The following ZBTB20 variants were observed in gnomAD, a reference collection of about 807,000 sequenced individuals.
ZBTB20 encodes zinc finger and BTB domain containing 20, also known as zinc finger and BTB domain-containing protein 20.
A neutral mutation model predicts 56.9 loss-of-function variants in ZBTB20; 9 were observed. That is an observed-to-expected ratio of 0.16 (90% CI 0.10 to 0.28). The LOEUF is 0.28. Among genes scored for constraint, ZBTB20 ranks in the 10% least tolerant of loss-of-function variants. The pLI is 1.00. For synonymous variants in ZBTB20, 417 were observed against 420.7 expected (o/e 0.99, Z 0.11); for missense variants, 655 against 1,003.0 (o/e 0.65, Z 4.69).
chr3:114,875,380 A>T (rs2076155652), intron 4 of ZBTB20, among the ~76,000 whole-genome samples: 1 of 152,192 alleles, frequency 6.6e-6, no homozygotes. Context: ...TCAAAAGTCA[A>T]GAAAATAAAT....
chr3:114,875,065 T>G (rs2076143696), intron 4 of ZBTB20, among the ~76,000 whole-genome samples: 1 of 152,076 alleles, frequency 6.6e-6, no homozygotes, highest in Admixed American at 6.6e-5. Flanking sequence ...TCTTGTCTAC[T>G]CCTATCTTAA....
intron 1 of ZBTB20, among the ~76,000 whole-genome samples, chr3:115,125,148 C>T (rs1457473497): frequency 2.6e-5 from 4 of 151,818 alleles, no homozygotes; most frequent in South Asian, 2.1e-4. Flanking sequence ...CTGAGACCAG[C>T]GTGGGCAACA....
intron 1 of ZBTB20, among the ~76,000 whole-genome samples, chr3:115,088,421 T>C (rs1277655648): frequency 1.3e-5 from 2 of 151,670 alleles, no homozygotes. Flanking sequence ...TGGGTCTTCC[T>C]TTAAAAAAAA....
chr3:114,595,435 T>C (rs1010830293), intron 6 of ZBTB20, among the ~76,000 whole-genome samples: 1 of 152,176 alleles, frequency 6.6e-6, no homozygotes, highest in Non-Finnish European at 1.5e-5. Flanking sequence ...TCTCAACAAG[T>C]CACCTTAAAA....
At chr3:114,545,725 G>T (rs911560174) in intron 6 of ZBTB20, among the ~76,000 whole-genome samples, 1 of 152,164 alleles carries the variant, frequency 6.6e-6, no homozygotes, top group African/African-American at 2.4e-5. Context: ...CAAGCTTCTA[G>T]TTAAAGTAAT....
At chr3:114,776,458 G>A (rs1040340003) in intron 5 of ZBTB20, among the ~76,000 whole-genome samples, 19 of 152,114 alleles carry the variant, frequency 1.2e-4, no homozygotes, top group African/African-American at 4.6e-4. Context: ...GCCAAAAAAC[G>A]GTAGTGGTCA....
intron 7 of ZBTB20, among the ~76,000 whole-genome samples, chr3:114,403,717 C>A (rs568733331): frequency 6.6e-6 from 1 of 151,964 alleles, no homozygotes; most frequent in African/African-American, 2.4e-5. Context: ...AACTTCACTT[C>A]AAAAAAATTA....
chr3:114,729,696 A>G (rs1451464565), intron 5 of ZBTB20, among the ~76,000 whole-genome samples: 1 of 152,190 alleles, frequency 6.6e-6, no homozygotes, highest in Non-Finnish European at 1.5e-5. Flanking sequence ...AAAGGAAAAC[A>G]TTTATTGAAA....
intron 4 of ZBTB20, among the ~76,000 whole-genome samples, chr3:114,813,870 G>A (rs1362062652): frequency 6.6e-6 from 1 of 152,154 alleles, no homozygotes; most frequent in African/African-American, 2.4e-5. Flanking sequence ...TCTGTGTGAA[G>A]TGTTCTCTAT....
At chr3:114,383,244 C>T (rs1041081557) in intron 8 of ZBTB20, among the ~76,000 whole-genome samples, 1 of 152,124 alleles carries the variant, frequency 6.6e-6, no homozygotes, top group Admixed American at 6.5e-5. Flanking sequence ...ACATATGTCA[C>T]CTAGCAGAAA....
chr3:115,043,126 C>T (rs1032445563), intron 2 of ZBTB20, among the ~76,000 whole-genome samples: 10 of 152,172 alleles, frequency 6.6e-5, no homozygotes, highest in Non-Finnish European at 1.0e-4. Flanking sequence ...AATATTGCTT[C>T]TACCCATAAA....
intron 3 of ZBTB20, among the ~76,000 whole-genome samples, chr3:114,962,760 A>T (rs549177828): frequency 6.6e-6 from 1 of 152,164 alleles, no homozygotes; most frequent in Non-Finnish European, 1.5e-5. Context: ...TATAGTCATT[A>T]TAATCAATTT....
intron 2 of ZBTB20, among the ~76,000 whole-genome samples, chr3:114,992,976 G>A (rs1249959959): frequency 6.6e-6 from 1 of 151,878 alleles, no homozygotes; most frequent in Non-Finnish European, 1.5e-5. Context: ...AATTACTTTG[G>A]AAGGACCCAA....
chr3:114,710,636 C>G (rs560341293), intron 5 of ZBTB20, among the ~76,000 whole-genome samples: 3 of 152,246 alleles, frequency 2.0e-5, no homozygotes, highest in Admixed American at 1.3e-4. Context: ...TTTGTCAGCC[C>G]TACCTTCAAG....
rs1439889377 is a variant in ZBTB20 at position 114,331,082 on chromosome 3, G to A, written c.*7923C>T. 1 of 150,880 alleles carries A rather than the reference G, an allele frequency of 6.6e-6. No homozygotes were observed. The highest frequency in any genetic ancestry group is 2.0e-4 in the East Asian group (1 of 5,100). 9.3% of individuals were successfully genotyped at this position (150,880 alleles called of 1,614,324 possible). ...TTGTGAGTACAGGCAGAATTAGGAA[G>A]CTTTAGTTTGAGAATAAAATTTATG... On this transcript the variant is annotated 3_prime_UTR_variant, in exon 12 of 12. Transcript: ENST00000675478.
At chr3:114,957,194 T>C (rs1329390542) in intron 3 of ZBTB20, among the ~76,000 whole-genome samples, 1 of 152,200 alleles carries the variant, frequency 6.6e-6, no homozygotes, top group Non-Finnish European at 1.5e-5. Context: ...TTCTCTTTTA[T>C]CCTATCTTCA....
intron 6 of ZBTB20, among the ~76,000 whole-genome samples, chr3:114,567,044 G>A (rs935642795): frequency 6.6e-6 from 1 of 152,134 alleles, no homozygotes; most frequent in African/African-American, 2.4e-5. Context: ...GGGGTGTCAT[G>A]TGTGTATTTT....
At chr3:114,993,752 C>T (rs1327717748) in intron 2 of ZBTB20, among the ~76,000 whole-genome samples, 4 of 151,674 alleles carry the variant, frequency 2.6e-5, no homozygotes, top group African/African-American at 9.7e-5. Context: ...TGGGATGCAG[C>T]TAAAGTGGTT....
chr3:114,745,873 G>A (rs909967403), intron 5 of ZBTB20, among the ~76,000 whole-genome samples: 5 of 152,112 alleles, frequency 3.3e-5, no homozygotes, highest in African/African-American at 7.2e-5. Flanking sequence ...CCTGTATTAA[G>A]GGAGACTCCA....
Sources: gnomAD v4.1 joint callset for allele counts (sites outside exome capture counted in the v4.1 genomes callset) on GRCh38, gnomAD v4.1.1 for gene constraint, MANE v1.5 for transcripts, NCBI Gene and HGNC (gene_info 2026-07-23, HGNC 2026-07-21) for gene names.